Variants in MYO1A observed in about 807,000 individuals in gnomAD.
The protein encoded by MYO1A is myosin IA.
Under a neutral mutation model 138.5 loss-of-function variants are expected in MYO1A, and 127 were observed. The observed-to-expected ratio is 0.92, with a 90% CI of 0.79 to 1.06. MYO1A has a LOEUF of 1.06. MYO1A is among the 50% of genes least tolerant of loss of function. The pLI, the probability that MYO1A is intolerant of heterozygous loss-of-function variation, is 0.00. For missense variants in MYO1A, 1,211 were observed against 1,288.8 expected (o/e 0.94, Z 0.92); for synonymous variants, 477 against 497.5 (o/e 0.96, Z 0.55).
In MYO1A at chr12:57,029,155, C is replaced by T; in HGVS notation, c.2982G>A (p.Gln994=). The change falls in exon 27 of 28, where the codon CAG becomes CAA. Residue 994 remains glutamine (Q), a synonymous_variant. Coordinates refer to ENST00000300119, the MANE Select transcript of MYO1A (RefSeq NM_005379.4). The part of the protein sequence containing the change: ...YRAVLDATQR[Q]LTVTVTEKFS... ...ACTTCTCAGTCACGGTGACTGTAAGCTGCCTCTGCGTGGCATCCAGCACAG... is the reference window on the plus strand; with the variant it reads ...ACTTCTCAGTCACGGTGACTGTAAGTTGCCTCTGCGTGGCATCCAGCACAG... 1.9e-6 allele frequency: 3 copies of T among 1,614,204 alleles called. No individual in the cohort carries two copies. The highest frequency in any genetic ancestry group is 2.5e-6 in the Non-Finnish European group (3 of 1,180,038).
At position 57,036,827 on chromosome 12, in the gene MYO1A, T is replaced by C; in HGVS notation, c.2219A>G (p.Tyr740Cys). ...TAACACGGATGCCTTTATCTTCCCA[T>C]AGCATTTCTTTTGCTGTAGAAAACA... is the stretch of plus-strand genomic sequence containing the variant. ...WFRGNMQKKCYGKIKASVLLI... is the reference protein window; with the variant it reads ...WFRGNMQKKCCGKIKASVLLI... Residue 740 changes from tyrosine (Y) to cysteine (C), a missense_variant, in exon 21 of 28, where the codon TAT (tyrosine) becomes TGT (cysteine). Tyr to Cys is a radical substitution (Grantham distance 194, BLOSUM62 -2). Transcript: ENST00000300119. The C allele has an allele frequency of 1.2e-6, 2 of 1,614,244 alleles. No individual in the cohort carries two copies. The highest frequency in any genetic ancestry group is 1.3e-5 in the African/African-American group (1 of 75,064).
chr12:57,044,596 C>T (rs1340907453), intron 8 of MYO1A, among the ~76,000 whole-genome samples: 3 of 152,134 alleles, frequency 2.0e-5, no homozygotes, highest in Non-Finnish European at 2.9e-5. Flanking sequence ...TCTATGTTGG[C>T]CAGGCTGGTC....
rs568393197 is a variant in MYO1A at position 57,049,904 on chromosome 12, G to A, written c.-38C>T. 34 of 152,348 alleles carry A rather than the reference G, an allele frequency of 2.2e-4. No individual in the cohort carries two copies. Among genetic ancestry groups the A allele is most frequent in the African/African-American group, 7.2e-4 (30 of 41,562 alleles). The allele number at this position is 152,348 out of a possible 1,614,324, so 9.4% of individuals were successfully genotyped here. Reference sequence around the variant, plus strand: ...GGACTCACCCAACACTGGAACTAGGGTATAACTTCACTGTCCTTGGAGAAT... The same window carrying A: ...GGACTCACCCAACACTGGAACTAGGATATAACTTCACTGTCCTTGGAGAAT... On this transcript the variant is annotated 5_prime_UTR_variant, in exon 1 of 28. Coordinates refer to ENST00000300119, the MANE Select transcript of MYO1A (RefSeq NM_005379.4).
intron 24 of MYO1A, 75 bp downstream of exon 24, chr12:57,030,135 T>TG: frequency 7.3e-7 from 1 of 1,375,604 alleles, no homozygotes; most frequent in Non-Finnish European, 1.0e-6. Flanking sequence ...TCCTGCCAGG[T>TG]GATTCTAAGG....
Position 57,029,512 on chromosome 12 carries a change from C to A in MYO1A, c.2800G>T (p.Val934Phe). 6.2e-7 allele frequency: 1 copy of A among 1,614,232 alleles called. No homozygotes were observed. The highest frequency in any genetic ancestry group is 2.2e-5 in the East Asian group (1 of 44,876). ...CCAGCCACATTGTCTAGCCCAATGA[C>A]AATTTTGGCCTGGGACTTCTTGGTG... Reference protein sequence around the residue: ...TDTKKSQAKIVIGLDNVAGVS... With the variant: ...TDTKKSQAKIFIGLDNVAGVS... The change falls in exon 26 of 28, where the codon GTC (valine) becomes TTC (phenylalanine). Residue 934 changes from valine (V) to phenylalanine (F), a missense_variant. Coordinates refer to ENST00000300119, the MANE Select transcript of MYO1A (RefSeq NM_005379.4).
In MYO1A at chr12:57,048,029, T is replaced by C. The variant is rs1386633213; in HGVS notation, c.190A>G (p.Lys64Glu). 6.2e-7 allele frequency: 1 copy of C among 1,614,056 alleles called. No individual in the cohort carries two copies. The highest frequency in any genetic ancestry group is 8.5e-7 in the Non-Finnish European group (1 of 1,180,018). ...TCATAGAAAGTATAGTCTTGATATT[T>C]GGCAATGAACTCTGGCCCATAGATG... ...LPIYGPEFIA[K>E]YQDYTFYELK... is the part of the protein sequence containing the mutation. Residue 64 changes from lysine (K) to glutamate (E), a missense_variant, in exon 3 of 28, where the codon AAA becomes GAA. Lys to Glu is a moderately conservative substitution (Grantham distance 56). Coordinates refer to ENST00000300119, the MANE Select transcript of MYO1A (RefSeq NM_005379.4).
At chr12:57,030,987 G>A (rs760410406) in intron 23 of MYO1A, 53 bp downstream of exon 23, 4 of 1,604,448 alleles carry the variant, frequency 2.5e-6, no homozygotes, top group Non-Finnish European at 3.4e-6. Context: ...GGAAAATCAG[G>A]GGGAGGGAAA....
At chr12:57,042,338 T>G (rs1490939483) in intron 12 of MYO1A, among the ~76,000 whole-genome samples, 1 of 152,242 alleles carries the variant, frequency 6.6e-6, no homozygotes, top group African/African-American at 2.4e-5. Context: ...TATGGACAAA[T>G]AACATTCTTT....
chr12:57,048,330 A>C lies in MYO1A; in HGVS notation c.-7T>G, dbSNP rs1213069228. On this transcript the variant is annotated 5_prime_UTR_variant, in exon 2 of 28. Coordinates refer to ENST00000300119, the MANE Select transcript of MYO1A (RefSeq NM_005379.4). ...AACCTTCCAGGAGAGGCATGTCCAG[A>C]GGGGCCACTGATCCTGGGAATAAGA... 1.2e-6 allele frequency: 2 copies of C among 1,600,384 alleles called. No homozygotes were observed. The highest frequency in any genetic ancestry group is 2.2e-5 in the South Asian group (2 of 90,832).
intron 24 of MYO1A, 107 bp downstream of exon 24, chr12:57,030,103 A>G: frequency 7.9e-7 from 1 of 1,266,318 alleles, no homozygotes; most frequent in Non-Finnish European, 1.1e-6. Flanking sequence ...CTGAGGAGGG[A>G]CACAGCACCT....
rs530505197 is a variant in MYO1A, at chr12:57,040,953, G to C, written c.1269+231C>G. On this transcript the variant is annotated intron_variant, in intron 14 of 27. Transcript: ENST00000300119. ...CAAGCACAGCTGTCACTTCCCTCTT[G>C]TCAGGACTTTCCACACATGTACCCT... is the stretch of plus-strand genomic sequence containing the variant. Among the ~76,000 whole-genome samples the C allele has an allele frequency of 2.6e-5, 4 of 152,288 alleles. No homozygotes were observed. In the East Asian group the frequency reaches 5.8e-4, roughly 22 times the overall value.
At position 57,030,268 on chromosome 12, in the gene MYO1A, T is replaced by A; in HGVS notation, c.2533A>T (p.Arg845Trp). ...AGTTCACTGGCACAGAGCTTTTCCC[T>A]CAGGATCTCTACCTGCTTCGGGGAC... is the stretch of plus-strand genomic sequence containing the variant. Reference protein sequence around the residue: ...QLSPKQVEILREKLCASELFK... With the variant: ...QLSPKQVEILWEKLCASELFK... The change falls in exon 24 of 28, where the codon AGG becomes TGG. Residue 845 changes from arginine to tryptophan, a missense_variant. Physicochemically the swap from Arg to Trp is moderately radical, Grantham distance 101. Transcript: ENST00000300119. 6.2e-7 allele frequency: 1 copy of A among 1,614,130 alleles called. No homozygotes were observed. The highest frequency in any genetic ancestry group is 2.2e-5 in the East Asian group (1 of 44,884).
At chr12:57,030,358 A>G in intron 23 of MYO1A, 42 bp from the exon 24 acceptor site, 3 of 781,630 alleles carry the variant, frequency 3.8e-6, no homozygotes, top group Non-Finnish European at 6.4e-6. Flanking sequence ...ATAGAGTGGG[A>G]GGGCAGGGCT....
chr12:57,039,061 T>A (rs1443189781), intron 15 of MYO1A, 52 bp from the exon 16 acceptor site: 1 of 1,588,208 alleles, frequency 6.3e-7, no homozygotes, highest in African/African-American at 1.3e-5. Flanking sequence ...CTCCGAGATG[T>A]CCACGTTCTC....
intron 19 of MYO1A, among the ~76,000 whole-genome samples, chr12:57,037,342 T>A (rs1250029821): frequency 6.6e-6 from 1 of 152,196 alleles, no homozygotes; most frequent in Non-Finnish European, 1.5e-5. Flanking sequence ...CTTAGAGCCA[T>A]GCAGCACCAA....
In MYO1A at chr12:57,047,730, G is replaced by T. The variant is rs762743706; in HGVS notation, c.231-9C>A. ...CATTTGCCAATGCGTAGCTTGTGGG[G>T]AGGAAGTGGGCAATGACTATTGTGA... On this transcript the variant is annotated splice_polypyrimidine_tract_variant and intron_variant, in intron 3 of 27. Coordinates refer to ENST00000300119, the MANE Select transcript of MYO1A (RefSeq NM_005379.4). 5.0e-5 allele frequency: 80 copies of T among 1,613,804 alleles called. No homozygotes were observed. The highest frequency in any genetic ancestry group is 6.4e-5 in the Non-Finnish European group (76 of 1,179,826).
At chr12:57,048,976 T>C (rs1002204616) in intron 1 of MYO1A, among the ~76,000 whole-genome samples, 7 of 152,204 alleles carry the variant, frequency 4.6e-5, no homozygotes, top group African/African-American at 1.4e-4. Context: ...CCATAAGAGA[T>C]TGGAATTTCC....
chr12:57,028,961 A>G, intron 27 of MYO1A, 80 bp from the exon 28 acceptor site: 1 of 1,598,038 alleles, frequency 6.3e-7, no homozygotes, highest in Non-Finnish European at 8.5e-7. Context: ...CCCCCCCATC[A>G]TGCGAGTCAG....
chr12:57,029,550 ACAT>A lies in MYO1A; in HGVS notation c.2759_2761del (p.His920_Val921delinsLeu), dbSNP rs759004707. ...GGACTTCTTGGTGTCTGTGAGAATCACATGGCCCTTGGTCAGGAGGAGAATCCG... is the reference window on the plus strand; with the variant it reads ...GGACTTCTTGGTGTCTGTGAGAATCAGGCCCTTGGTCAGGAGGAGAATCCG... On this transcript the variant is annotated inframe_deletion, in exon 26 of 28. Coordinates refer to ENST00000300119, the MANE Select transcript of MYO1A (RefSeq NM_005379.4). 61 of 1,614,148 alleles carry A rather than the reference ACAT, an allele frequency of 3.8e-5. No individual in the cohort carries two copies. Among genetic ancestry groups the A allele is most frequent in the Non-Finnish European group, 5.2e-5 (61 of 1,180,060 alleles).
Sources: gnomAD v4.1 joint callset for allele counts (sites outside exome capture counted in the v4.1 genomes callset) on GRCh38, gnomAD v4.1.1 for gene constraint, MANE v1.5 for transcripts, NCBI Gene and HGNC (gene_info 2026-07-23, HGNC 2026-07-21) for gene names.